The following MAGOHB variants were observed in gnomAD, a reference collection of about 807,000 sequenced individuals.
MAGOHB encodes protein mago nashi homolog 2.
In MAGOHB, 15 loss-of-function variants were observed where a neutral mutation model predicts 20.9. That is an observed-to-expected ratio of 0.72 (90% CI 0.48 to 1.11). The LOEUF (loss-of-function observed/expected upper bound fraction) is 1.11, where lower values mean the gene tolerates loss of function less well. Ranked by LOEUF, MAGOHB falls within the 50% of genes least tolerant of loss-of-function variation. The pLI is 0.00. For synonymous variants in MAGOHB, 50 were observed against 57.9 expected, an observed-to-expected ratio of 0.86 and a Z score of 0.62; for missense variants, 162 against 177.6, an observed-to-expected ratio of 0.91 and a Z score of 0.50.
downstream of MAGOHB, among the ~76,000 whole-genome samples, chr12:10,603,147 T>TA (rs200072443): frequency 0.063 from 9,585 of 151,400 alleles, 328 homozygotes; most frequent in African/African-American, 0.079. Flanking sequence ...CCATCTCTAC[T>TA]AAAAAAAATA....
chr12:10,600,234 TAATA>T (rs1361989978), downstream of MAGOHB, among the ~76,000 whole-genome samples: 1 of 152,084 alleles, frequency 6.6e-6, no homozygotes, highest in African/African-American at 2.4e-5. Context: ...TATTATTTTC[TAATA>T]AATAATATGT....
chr12:10,600,657 C>T (rs957057590), downstream of MAGOHB, among the ~76,000 whole-genome samples: 4 of 152,174 alleles, frequency 2.6e-5, no homozygotes, highest in African/African-American at 7.2e-5. Context: ...CTCACATTTT[C>T]ACCTATATCG....
rs748995226 is a variant in MAGOHB, at chr12:10,612,817, CA to C, written c.94+621del. The C allele has an allele frequency of 1.5e-3, 1,927 of 1,288,580 alleles. 8 individuals are homozygous for C. The highest frequency in any genetic ancestry group is 8.1e-3 in the Middle Eastern group (38 of 4,688). The allele number at this position is 1,288,580 out of a possible 1,614,324, so 79.8% of individuals were successfully genotyped here. A position where few individuals can be genotyped will look rare whatever the true frequency, so the allele number is the denominator to read the frequency against. Reference sequence around the variant, plus strand: ...CACTACTTGGGTAGCAGTTTCACCTCATCCTCTGCTCATACTGCTCTGGAAG... The same window carrying C: ...CACTACTTGGGTAGCAGTTTCACCTCTCCTCTGCTCATACTGCTCTGGAAG... On this transcript the variant is annotated intron_variant, in intron 1 of 4. Transcript: ENST00000320756.
chr12:10,600,156 GTTTT>G (rs563135807), downstream of MAGOHB, among the ~76,000 whole-genome samples: 202 of 151,264 alleles, frequency 1.3e-3, 1 homozygote, highest in Middle Eastern at 0.01. Context: ...TATTCTTCCA[GTTTT>G]TTTTCTCTGT....
At chr12:10,602,000 T>C (rs147860414), downstream of MAGOHB, among the ~76,000 whole-genome samples, 535 of 152,332 alleles carry the variant, frequency 3.5e-3, 5 homozygotes, top group Middle Eastern at 0.024. Flanking sequence ...GGCGTGCTAG[T>C]GCCACCATCA....
intron 3 of MAGOHB, 147 bp from the exon 4 acceptor site, chr12:10,608,083 T>C (rs1865661675): frequency 3.6e-6 from 2 of 559,672 alleles, no homozygotes; most frequent in South Asian, 2.3e-5. Flanking sequence ...AGAAACATGG[T>C]TTCTTAGATA....
chr12:10,607,490 T>C (rs1865649500), intron 4 of MAGOHB, among the ~76,000 whole-genome samples: 1 of 152,164 alleles, frequency 6.6e-6, no homozygotes, highest in Non-Finnish European at 1.5e-5. Flanking sequence ...TTCCCAAGTA[T>C]TGAGCCCAAG....
downstream of MAGOHB, among the ~76,000 whole-genome samples, chr12:10,599,820 A>G (rs781521677): frequency 2.0e-5 from 3 of 152,180 alleles, no homozygotes; most frequent in Middle Eastern, 3.2e-3. Context: ...TTCAAAATCA[A>G]TATTTGAGGG....
Position 10,612,820 on chromosome 12 carries a change from C to G in MAGOHB, c.94+619G>C, listed in dbSNP as rs187845045. ...TACTTGGGTAGCAGTTTCACCTCAT[C>G]CTCTGCTCATACTGCTCTGGAAGTC... On this transcript the variant is annotated intron_variant, in intron 1 of 4. Coordinates refer to ENST00000320756, the MANE Select transcript of MAGOHB (RefSeq NM_018048.5). The G allele has an allele frequency of 1.3e-3, 1,627 of 1,288,712 alleles. 2 individuals carry two copies. The highest frequency in any genetic ancestry group is 1.6e-3 in the Non-Finnish European group (1,563 of 988,450). The allele number at this position is 1,288,712 out of a possible 1,614,324, so 79.8% of individuals were successfully genotyped here.
In MAGOHB at chr12:10,613,594, C is replaced by T. The variant is rs923128955; in HGVS notation, c.-62G>A. ...CGTGTCCCCCGGCGCCTTGCAGTGA[C>T]GTCATCGCGCGGAATAAGTGCGTCA... On this transcript the variant is annotated 5_prime_UTR_variant, in exon 1 of 5. Coordinates refer to ENST00000320756, the MANE Select transcript of MAGOHB (RefSeq NM_018048.5). The T allele has an allele frequency of 7.5e-6, 8 of 1,072,832 alleles. No individual in the cohort carries two copies. Among genetic ancestry groups the T allele is most frequent in the African/African-American group, 1.5e-5 (1 of 64,598 alleles). The allele number at this position is 1,072,832 out of a possible 1,614,324, so 66.5% of individuals were successfully genotyped here.
chr12:10,613,332 T>C lies in MAGOHB; in HGVS notation c.94+107A>G. ...GCCTCCTCTATTCTTAAGCTCCTAT[T>C]TCCTTCGAGGGAAGCAGTGGCCTCC... On this transcript the variant is annotated intron_variant, in intron 1 of 4. Transcript: ENST00000320756. 4 of 943,634 alleles carry C rather than the reference T, an allele frequency of 4.2e-6. No individual in the cohort carries two copies. The South Asian group carries it at 5.2e-5, about 12-fold the overall frequency. 58.5% of individuals were successfully genotyped at this position (943,634 alleles called of 1,614,324 possible).
intron 1 of MAGOHB, chr12:10,613,006 C>A: frequency 8.6e-7 from 1 of 1,164,002 alleles, no homozygotes; most frequent in Non-Finnish European, 1.1e-6. Flanking sequence ...ACGTAAACAC[C>A]TAAAACATAT....
chr12:10,611,747 C>CAAAAAA (rs1042294332), intron 1 of MAGOHB, among the ~76,000 whole-genome samples: 40 of 27,622 alleles, frequency 1.4e-3, no homozygotes, highest in South Asian at 2.1e-3. Context: ...GACTCTGTCT[C>CAAAAAA]AAAAAAAAAA....
intron 3 of MAGOHB, chr12:10,609,617 T>A: frequency 1.8e-6 from 1 of 543,442 alleles, no homozygotes; most frequent in Non-Finnish European, 3.3e-6. Flanking sequence ...CAGAGAAAGA[T>A]GTCTAAATTT....
intron 1 of MAGOHB, among the ~76,000 whole-genome samples, chr12:10,610,956 G>C (rs953938562): frequency 6.6e-5 from 10 of 152,146 alleles, no homozygotes; most frequent in Admixed American, 5.2e-4. Context: ...TCATGAACTA[G>C]AAAGAGAATC....
Position 10,610,600 on chromosome 12 carries a change from AAGAC to A in MAGOHB, c.153+18_153+21del. On this transcript the variant is annotated intron_variant, in intron 2 of 4. Coordinates refer to ENST00000320756, the MANE Select transcript of MAGOHB (RefSeq NM_018048.5). ...TGCAAAAAAAAAAAAAAAAAAAAAA[AAGAC>A]ATTCACATAGAACTTACCTCTTTTC... The A allele has an allele frequency of 7.3e-7, 1 of 1,374,010 alleles. No individual in the cohort carries two copies. The highest frequency in any genetic ancestry group is 9.5e-7 in the Non-Finnish European group (1 of 1,047,704). The allele number at this position is 1,374,010 out of a possible 1,614,324, so 85.1% of individuals were successfully genotyped here. A position where few individuals can be genotyped will look rare whatever the true frequency, so the allele number is the denominator to read the frequency against.
Position 10,606,357 on chromosome 12 carries a change from C to T in MAGOHB, c.365G>A (p.Arg122Gln). The change falls in exon 5 of 5, where the codon CGA becomes CAA. Residue 122 changes from arginine (R) to glutamine (Q), a missense_variant. Transcript: ENST00000320756. ...GTCTTGTACCAAATAGTAAAATACT[C>T]GAAGGCCTTCAGGATCCCTAAAATT... Reference protein sequence around the residue: ...VNQSKDPEGLRVFYYLVQDLK... With the variant: ...VNQSKDPEGLQVFYYLVQDLK... 7 of 1,570,022 alleles carry T rather than the reference C, an allele frequency of 4.5e-6. No individual in the cohort carries two copies. The highest frequency in any genetic ancestry group is 1.2e-5 in the South Asian group (1 of 84,988).
intron 1 of MAGOHB, chr12:10,613,068 A>C (rs1446537388): frequency 1.5e-6 from 1 of 689,606 alleles, no homozygotes; most frequent in African/African-American, 1.9e-5. Flanking sequence ...AAGAAAACAC[A>C]CAGCCTAAAT....
At chr12:10,611,581 T>A (rs191078434) in intron 1 of MAGOHB, among the ~76,000 whole-genome samples, 124 of 150,916 alleles carry the variant, frequency 8.2e-4, no homozygotes, top group African/African-American at 2.7e-3. Flanking sequence ...ACCCCGTCTC[T>A]ACTAAAAATA....
Sources: gnomAD v4.1 joint callset for allele counts (sites outside exome capture counted in the v4.1 genomes callset) on GRCh38, gnomAD v4.1.1 for gene constraint, MANE v1.5 for transcripts, NCBI Gene and HGNC (gene_info 2026-07-23, HGNC 2026-07-21) for gene names.